SEMA6D: variants seen among roughly 807,000 people sequenced by gnomAD.
SEMA6D encodes the protein semaphorin 6D.
Under a neutral mutation model 106.6 loss-of-function variants are expected in SEMA6D, and 35 were observed. The ratio of observed to expected loss-of-function variants is 0.33; its 90% CI spans 0.25 to 0.44. The LOEUF (loss-of-function observed/expected upper bound fraction) is 0.44. Among genes scored for constraint, SEMA6D ranks in the 20% least tolerant of loss-of-function variants. SEMA6D has a pLI of 1.00. For missense variants in SEMA6D, 1,185 were observed against 1,345.9 expected (o/e 0.88, Z 1.87); for synonymous variants, 499 against 487.7 (o/e 1.02, Z -0.31).
intron 4 of SEMA6D, among the ~76,000 whole-genome samples, chr15:47,634,738 T>C (rs2077353075): frequency 6.7e-6 from 1 of 148,912 alleles, no homozygotes; most frequent in Admixed American, 7.0e-5. Context: ...CCTCTGTCTG[T>C]CAGGCAGGGA....
chr15:47,344,534 G>A (rs560122212), intron 1 of SEMA6D, among the ~76,000 whole-genome samples: 19 of 152,240 alleles, frequency 1.2e-4, no homozygotes, highest in African/African-American at 4.6e-4. Flanking sequence ...GAAGATCATG[G>A]TATGCTCCCT....
At chr15:47,536,041 G>A (rs1480597304) in intron 3 of SEMA6D, among the ~76,000 whole-genome samples, 1 of 152,166 alleles carries the variant, frequency 6.6e-6, no homozygotes, top group Non-Finnish European at 1.5e-5. Context: ...ATTTTATTTG[G>A]TTGGGAACTA....
At chr15:47,247,343 C>T (rs1339074188) in intron 1 of SEMA6D, among the ~76,000 whole-genome samples, 1 of 151,904 alleles carries the variant, frequency 6.6e-6, no homozygotes, top group Non-Finnish European at 1.5e-5. Flanking sequence ...AGGGAGAAAA[C>T]ATTCTGACAA....
At chr15:47,549,364 C>T (rs571199250) in intron 3 of SEMA6D, among the ~76,000 whole-genome samples, 15 of 152,290 alleles carry the variant, frequency 9.8e-5, no homozygotes, top group African/African-American at 3.6e-4. Context: ...ATCTGCTTTA[C>T]AGAGTGGCTG....
intron 1 of SEMA6D, among the ~76,000 whole-genome samples, chr15:47,365,890 G>GAGGAGAGAGA (rs1346586280): frequency 8.4e-6 from 1 of 119,746 alleles, no homozygotes; most frequent in African/African-American, 3.7e-5. Flanking sequence ...GAGAGAGAGA[G>GAGGAGAGAGA]GAGAGAGAGA....
chr15:47,498,479 G>A (rs551589640), intron 3 of SEMA6D, among the ~76,000 whole-genome samples: 16 of 152,182 alleles, frequency 1.1e-4, no homozygotes, highest in African/African-American at 3.6e-4. Context: ...GGAAAGAGAG[G>A]TGCTTTCTCA....
chr15:47,340,218 A>T lies in SEMA6D; in HGVS notation c.-238-72175A>T, dbSNP rs2037755469. Among the ~76,000 whole-genome samples, 6 of 152,280 alleles carry T rather than the reference A, an allele frequency of 3.9e-5. No homozygotes were observed. In the South Asian group the frequency reaches 1.2e-3, roughly 32 times the overall value. ...CTCAGAGCTGAGTGGGAGCCAGCTG[A>T]TGAGTGTTAGGCCTTTATTGGAGAT... On this transcript the variant is annotated intron_variant, in intron 1 of 19. Coordinates refer to the SEMA6D transcript ENST00000558014.
intron 4 of SEMA6D, among the ~76,000 whole-genome samples, chr15:47,705,412 C>A (rs1028894814): frequency 2.3e-4 from 35 of 152,212 alleles, no homozygotes; most frequent in African/African-American, 8.4e-4. Context: ...TAAACATTAT[C>A]TCAACATTAC....
rs912318870 is a variant in SEMA6D at position 47,546,074 on chromosome 15, G to A, written c.-86-54791G>A. Among the ~76,000 whole-genome samples, 11 of 152,094 alleles carry A rather than the reference G, an allele frequency of 7.2e-5. No individual in the cohort carries two copies. The South Asian group carries it at 2.1e-3, about 29-fold the overall frequency. ...TGCATTTATGCATAAGCGAGCAATAGGGAAGGATGGAGCTAGCCCTACTGG... is the reference window on the plus strand; with the variant it reads ...TGCATTTATGCATAAGCGAGCAATAAGGAAGGATGGAGCTAGCCCTACTGG... On this transcript the variant is annotated intron_variant, in intron 3 of 19. Transcript: ENST00000558014.
chr15:47,649,059 G>A (rs940618296), intron 4 of SEMA6D, among the ~76,000 whole-genome samples: 1 of 152,052 alleles, frequency 6.6e-6, no homozygotes, highest in Non-Finnish European at 1.5e-5. Flanking sequence ...CACTTTCAAT[G>A]GGCCTATTTT....
chr15:47,257,891 T>C (rs1037824312), intron 1 of SEMA6D, among the ~76,000 whole-genome samples: 1 of 152,226 alleles, frequency 6.6e-6, no homozygotes, highest in East Asian at 1.9e-4. Context: ...CTGTTTCTCC[T>C]TTCAGCTGAT....
intron 4 of SEMA6D, among the ~76,000 whole-genome samples, chr15:47,678,556 A>G (rs1037325423): frequency 4.6e-5 from 7 of 152,266 alleles, no homozygotes; most frequent in African/African-American, 1.7e-4. Flanking sequence ...AATGGAACCC[A>G]TTCGAGTTGA....
intron 4 of SEMA6D, chr15:47,603,857 A>G (rs1372937331): frequency 6.6e-6 from 1 of 152,082 alleles, no homozygotes; most frequent in African/African-American, 2.4e-5. Flanking sequence ...CTAAGAACCC[A>G]AAGGCTGGCA....
chr15:47,454,450 C>G (rs577422621), intron 2 of SEMA6D, among the ~76,000 whole-genome samples: 7 of 151,908 alleles, frequency 4.6e-5, no homozygotes, highest in African/African-American at 1.7e-4. Context: ...AGATCGCTGC[C>G]CATGAGGACT....
intron 1 of SEMA6D, among the ~76,000 whole-genome samples, chr15:47,331,468 C>G (rs2037336504): frequency 6.6e-6 from 1 of 152,030 alleles, no homozygotes; most frequent in Admixed American, 6.6e-5. Flanking sequence ...TATTTTTAGT[C>G]TTAATTATAT....
Position 47,302,213 on chromosome 15 carries a change from A to G in SEMA6D, c.-238-110180A>G, listed in dbSNP as rs149742431. The stretch of plus-strand genomic sequence containing the variant: ...CTGTGATTGACTTAATTCTTCCACT[A>G]TTTCGTTCTTTTTAAGATCCTATAG... On this transcript the variant is annotated intron_variant, in intron 1 of 19. Coordinates refer to the SEMA6D transcript ENST00000558014. Among the ~76,000 whole-genome samples the G allele has an allele frequency of 9.2e-5, 14 of 152,254 alleles. No individual in the cohort carries two copies. In the East Asian group the frequency reaches 2.5e-3, roughly 27 times the overall value.
At chr15:47,649,187 G>A (rs1208106000) in intron 4 of SEMA6D, among the ~76,000 whole-genome samples, 1 of 152,134 alleles carries the variant, frequency 6.6e-6, no homozygotes, top group Non-Finnish European at 1.5e-5. Flanking sequence ...TAGGTATAAA[G>A]CATTGTGTAC....
chr15:47,277,401 T>C (rs1336571507), intron 1 of SEMA6D, among the ~76,000 whole-genome samples: 1 of 151,934 alleles, frequency 6.6e-6, no homozygotes, highest in East Asian at 1.9e-4. Context: ...GTTGTCTTAT[T>C]TCAAGAAATT....
intron 1 of SEMA6D, among the ~76,000 whole-genome samples, chr15:47,758,857 T>A (rs2081912066): frequency 6.6e-6 from 1 of 152,218 alleles, no homozygotes; most frequent in Non-Finnish European, 1.5e-5. Context: ...TTGCCTTAAC[T>A]AGCTCCACAC....
Sources: gnomAD v4.1 joint callset for allele counts (sites outside exome capture counted in the v4.1 genomes callset) on GRCh38, gnomAD v4.1.1 for gene constraint, MANE v1.5 for transcripts, NCBI Gene and HGNC (gene_info 2026-07-23, HGNC 2026-07-21) for gene names.